Variants in SLC35F4 observed in about 807,000 individuals in gnomAD.
The protein encoded by SLC35F4 is solute carrier family 35 member F4.
A neutral mutation model predicts 44.2 loss-of-function variants in SLC35F4; 24 were observed. The ratio of observed to expected loss-of-function variants is 0.54; its 90% CI spans 0.39 to 0.76. SLC35F4 has a LOEUF of 0.76. Ranked by LOEUF, SLC35F4 falls within the 30% of genes least tolerant of loss-of-function variation. The pLI is 0.00. For synonymous variants in SLC35F4, 238 were observed against 223.6 expected (o/e 1.06, Z -0.57); for missense variants, 562 against 586.1 (o/e 0.96, Z 0.42).
At chr14:57,798,810 G>C (rs2078116896) in intron 1 of SLC35F4, among the ~76,000 whole-genome samples, 1 of 152,158 alleles carries the variant, frequency 6.6e-6, no homozygotes, top group Non-Finnish European at 1.5e-5. Flanking sequence ...GGCTTTTACA[G>C]TAAATGCAGC....
At chr14:57,880,088 GGAAGGAAGGAAGGAAGGA>G in intron 1 of SLC35F4, among the ~76,000 whole-genome samples, 1 of 130,840 alleles carries the variant, frequency 7.6e-6, no homozygotes. Context: ...AAGGAAGGAA[GGAAGGAAGGAAGGAAGGA>G]AGGACAGTAG....
intron 1 of SLC35F4, among the ~76,000 whole-genome samples, chr14:57,894,059 G>A (rs192221110): frequency 2.5e-4 from 38 of 152,154 alleles, no homozygotes; most frequent in Admixed American, 1.8e-3. Context: ...TAGCCAATTC[G>A]TAGAAGATAG....
chr14:57,703,159 C>T (rs932807098), intron 1 of SLC35F4, among the ~76,000 whole-genome samples: 32 of 152,098 alleles, frequency 2.1e-4, no homozygotes, highest in Admixed American at 6.5e-4. Context: ...GCTATATAAA[C>T]CTGAGTGCTA....
In SLC35F4 at chr14:57,826,554, A is replaced by G. The variant is rs546147896; in HGVS notation, c.103+39169T>C. Among the ~76,000 whole-genome samples the G allele has an allele frequency of 1.4e-4, 22 of 152,300 alleles. No homozygotes were observed. The South Asian group carries it at 4.3e-3, about 30-fold the overall frequency. On this transcript the variant is annotated intron_variant, in intron 1 of 7. Transcript: ENST00000556826. ...AAAGAGCTACATAGCAAAAGAAACTATCATCAGAGTAAACAGACAACCTAA... is the reference window on the plus strand; with the variant it reads ...AAAGAGCTACATAGCAAAAGAAACTGTCATCAGAGTAAACAGACAACCTAA...
intron 1 of SLC35F4, among the ~76,000 whole-genome samples, chr14:57,698,473 A>G (rs916791770): frequency 1.1e-4 from 17 of 152,198 alleles, no homozygotes; most frequent in African/African-American, 1.9e-4. Context: ...ACTATACAAC[A>G]AAGTGTGAAA....
At chr14:57,750,060 T>C (rs1187973005) in intron 1 of SLC35F4, among the ~76,000 whole-genome samples, 3 of 151,910 alleles carry the variant, frequency 2.0e-5, no homozygotes, top group Admixed American at 2.0e-4. Context: ...TCACCCTGAG[T>C]CTCCAGTGTC....
At chr14:57,848,999 C>T (rs1206397876) in intron 1 of SLC35F4, among the ~76,000 whole-genome samples, 2 of 152,110 alleles carry the variant, frequency 1.3e-5, no homozygotes, top group African/African-American at 4.8e-5. Flanking sequence ...ATGTCTTTTG[C>T]CAGCATCTGT....
rs1364470957 is a variant in SLC35F4, at chr14:57,944,682, AAAAG to A, written n.282+37227_282+37230del. ...GGGAGAGAGAGAAAGAAAGAAAAAGAAAAGAAAGAAAGAAAAGAAAGAAAGAAAG... is the reference window on the plus strand; with the variant it reads ...GGGAGAGAGAGAAAGAAAGAAAAAGAAAAGAAAGAAAAGAAAGAAAGAAAG... On this transcript the variant is annotated intron_variant and non_coding_transcript_variant, in intron 1 of 1. Coordinates refer to the SLC35F4 transcript ENST00000556568. Among the ~76,000 whole-genome samples, 8 of 135,860 alleles carry A rather than the reference AAAAG, an allele frequency of 5.9e-5. No individual in the cohort carries two copies. The South Asian group carries it at 9.3e-4, about 16-fold the overall frequency. 89.1% of individuals were successfully genotyped at this position (135,860 alleles called of 152,430 possible). A position where few individuals can be genotyped will look rare whatever the true frequency, so the allele number is the denominator to read the frequency against.
At chr14:57,720,989 T>C (rs1374629682) in intron 1 of SLC35F4, among the ~76,000 whole-genome samples, 2 of 116,454 alleles carry the variant, frequency 1.7e-5, no homozygotes, top group African/African-American at 6.1e-5. Flanking sequence ...CATATATATA[T>C]ATATATATAT....
intron 1 of SLC35F4, among the ~76,000 whole-genome samples, chr14:57,795,417 A>G (rs1305045592): frequency 6.6e-6 from 1 of 152,214 alleles, no homozygotes; most frequent in Non-Finnish European, 1.5e-5. Context: ...AAGGAAAAAT[A>G]ATTCAAGAGC....
intron 1 of SLC35F4, among the ~76,000 whole-genome samples, chr14:57,756,775 C>G (rs947878101): frequency 6.6e-6 from 1 of 152,004 alleles, no homozygotes; most frequent in Admixed American, 6.6e-5. Context: ...CCATCTTGGC[C>G]TCCCAAGTAG....
At chr14:57,770,182 A>G (rs1288316129) in intron 1 of SLC35F4, among the ~76,000 whole-genome samples, 3 of 152,180 alleles carry the variant, frequency 2.0e-5, no homozygotes, top group Non-Finnish European at 4.4e-5. Context: ...GCTGTTCACC[A>G]TGGGCATGGA....
chr14:57,578,691 A>AAAAG (rs912595187), intron 4 of SLC35F4: 1 of 152,114 alleles, frequency 6.6e-6, no homozygotes, highest in Non-Finnish European at 1.5e-5. Context: ...CTCTTACTTA[A>AAAAG]AAAGAAAAAT....
intron 1 of SLC35F4, among the ~76,000 whole-genome samples, chr14:57,793,064 T>C (rs1297830097): frequency 1.3e-5 from 2 of 151,954 alleles, no homozygotes; most frequent in Admixed American, 6.6e-5. Context: ...GAAACTGGTG[T>C]CTAGAAAACA....
At chr14:57,614,278 T>C (rs1381588611) in intron 1 of SLC35F4, among the ~76,000 whole-genome samples, 1 of 152,210 alleles carries the variant, frequency 6.6e-6, no homozygotes, top group East Asian at 1.9e-4. Context: ...GCAGATTTCA[T>C]TTAAGGAGGA....
At chr14:57,707,578 A>T (rs554591798) in intron 1 of SLC35F4, among the ~76,000 whole-genome samples, 5 of 152,274 alleles carry the variant, frequency 3.3e-5, no homozygotes, top group African/African-American at 9.6e-5. Context: ...GAAATTACCC[A>T]GTCTTGGGTA....
Position 57,920,183 on chromosome 14 carries a change from T to A in SLC35F4, n.282+61730A>T, listed in dbSNP as rs17093928. Among the ~76,000 whole-genome samples the A allele has an allele frequency of 0.023, 3,447 of 152,306 alleles. 427 individuals carry two copies. The East Asian group carries it at 0.39, about 17-fold the overall frequency. The stretch of plus-strand genomic sequence containing the variant: ...TTTAACCATGCTAGTTCAATTGAAT[T>A]ACAGTGCTGCCAGTGGGTTTACTCT... On this transcript the variant is annotated intron_variant and non_coding_transcript_variant, in intron 1 of 1. Coordinates refer to the SLC35F4 transcript ENST00000556568.
intron 1 of SLC35F4, among the ~76,000 whole-genome samples, chr14:57,845,378 A>T (rs1014758698): frequency 6.6e-6 from 1 of 152,244 alleles, no homozygotes; most frequent in African/African-American, 2.4e-5. Context: ...GCTGTGAGTT[A>T]TAATGAAATC....
intron 1 of SLC35F4, among the ~76,000 whole-genome samples, chr14:57,863,505 A>T (rs570545951): frequency 2.0e-5 from 3 of 152,330 alleles, no homozygotes; most frequent in African/African-American, 7.2e-5. Context: ...TTGCTTTCAC[A>T]TATTATATAT....
Sources: allele counts gnomAD v4.1 joint callset (sites outside exome capture counted in the v4.1 genomes callset), GRCh38; gene constraint gnomAD v4.1.1; transcripts MANE v1.5; gene names NCBI Gene and HGNC (gene_info 2026-07-23, HGNC 2026-07-21).